Variants in TNRC18 observed in about 807,000 individuals in gnomAD.
TNRC18 encodes the protein trinucleotide repeat-containing gene 18 protein.
A neutral mutation model predicts 226.7 loss-of-function variants in TNRC18; 69 were observed. The observed-to-expected ratio is 0.30, with a 90% CI of 0.25 to 0.37. TNRC18 has a LOEUF of 0.37. Ranked by LOEUF, TNRC18 falls within the 10% of genes least tolerant of loss-of-function variation. The pLI is 1.00. For synonymous variants in TNRC18, 2,449 were observed against 1,927.6 expected (o/e 1.27, Z -7.09); for missense variants, 4,754 against 4,256.6 (o/e 1.12, Z -3.25).
intron 2 of TNRC18, among the ~76,000 whole-genome samples, chr7:5,415,503 G>A (rs529157882): frequency 5.4e-5 from 8 of 148,770 alleles, no homozygotes; most frequent in South Asian, 2.2e-4. Context: ...CAGCCTCCCC[G>A]AGTAGCTGGG....
intron 5 of TNRC18, among the ~76,000 whole-genome samples, chr7:5,380,197 G>A (rs959294854): frequency 1.3e-5 from 2 of 152,186 alleles, no homozygotes; most frequent in African/African-American, 2.4e-5. Context: ...TGTAATCCCA[G>A]CACTCTGGGA....
At position 5,324,230 on chromosome 7, in the gene TNRC18, C is replaced by A. The variant is rs1214296560; in HGVS notation, c.6426G>T (p.Glu2142Asp). 6.2e-7 allele frequency: 1 copy of A among 1,608,384 alleles called. No homozygotes were observed. The highest frequency in any genetic ancestry group is 8.5e-7 in the Non-Finnish European group (1 of 1,178,438). ...GCCACTCACCCGGGGTCAGCGGCCG[C>A]TCCACAGCCCCGCCACGCGGCAGGT... ...DEHLPRGGAVERPLTPAPRSC... is the reference protein window; with the variant it reads ...DEHLPRGGAVDRPLTPAPRSC... The change falls in exon 21 of 30, where the codon GAG becomes GAT. Residue 2142 changes from glutamate to aspartate, a missense_variant. Physicochemically the swap from Glu to Asp is conservative, Grantham distance 45. Transcript: ENST00000430969. The surrounding 1 kb of genome is among the most constrained non-coding windows in gnomAD (Gnocchi z 4.8).
intron 18 of TNRC18, among the ~76,000 whole-genome samples, chr7:5,340,060 T>A (rs1168958057): frequency 6.6e-6 from 1 of 152,134 alleles, no homozygotes; most frequent in Non-Finnish European, 1.5e-5. Context: ...GAGTCACATG[T>A]CTCTCACTTT....
Position 5,370,385 on chromosome 7 carries a change from T to C in TNRC18, c.4209A>G (p.Gln1403=). The stretch of plus-strand genomic sequence containing the variant: ...GTCGCGCACTCTCACCTCCCATCTC[T>C]TGGCTCCTCCTCTCCAGCTCCAGCT... The part of the protein sequence containing the change: ...IAELELERRS[Q]EMGGAERALV... Residue 1403 remains glutamine (Q), a synonymous_variant, in exon 11 of 30, where the codon CAA becomes CAG. Transcript: ENST00000430969. The C allele has an allele frequency of 6.5e-7, 1 of 1,545,996 alleles. No homozygotes were observed. The highest frequency in any genetic ancestry group is 8.7e-7 in the Non-Finnish European group (1 of 1,144,450).
At position 5,377,353 on chromosome 7, in the gene TNRC18, C is replaced by G; in HGVS notation, c.2461+18G>C. On this transcript the variant is annotated intron_variant, in intron 7 of 29. Transcript: ENST00000430969. This position sits in a 1 kb window ranked among gnomAD's most constrained non-coding sequence, Gnocchi z 5.8. The stretch of plus-strand genomic sequence containing the variant: ...CCCTCCCTCAGAGAAGGGGAGAGAC[C>G]CTGTGCCCCACACTCACCGTAGGGG... 5.3e-6 allele frequency: 8 copies of G among 1,521,798 alleles called. No homozygotes were observed. Among genetic ancestry groups the G allele is most frequent in the Non-Finnish European group, 7.1e-6 (8 of 1,128,648 alleles). The allele number at this position is 1,521,798 out of a possible 1,614,324, so 94.3% of individuals were successfully genotyped here. A position where few individuals can be genotyped will look rare whatever the true frequency, so the allele number is the denominator to read the frequency against.
At chr7:5,314,057 C>A (rs556667898) in intron 26 of TNRC18, among the ~76,000 whole-genome samples, 194 bp from the exon 27 acceptor site, 2 of 151,960 alleles carry the variant, frequency 1.3e-5, no homozygotes, top group Non-Finnish European at 2.9e-5. Flanking sequence ...TGCCTGGGCT[C>A]ATGTGAGCCT....
At chr7:5,313,891 G>C (rs771689865) in intron 26 of TNRC18, 28 bp from the exon 27 acceptor site, 4 of 1,429,372 alleles carry the variant, frequency 2.8e-6, no homozygotes, top group Middle Eastern at 2.1e-4. Context: ...TGAGAAGCTG[G>C]GGCGGGGGCT....
chr7:5,361,911 G>A lies in TNRC18; in HGVS notation c.4518C>T (p.Arg1506=). ...EKQRELVKLQ[R]RRDSEDRREE... is the part of the protein sequence containing the mutation. Reference sequence around the variant, plus strand: ...GACACACTCACTCGGAGTCCCGGCGGCGCTGCAGCTTCACCAGCTCACGCT... The same window carrying A: ...GACACACTCACTCGGAGTCCCGGCGACGCTGCAGCTTCACCAGCTCACGCT... The change falls in exon 13 of 30, where the codon CGC becomes CGT. Residue 1506 remains arginine, a synonymous_variant. Coordinates refer to ENST00000430969, the MANE Select transcript of TNRC18 (RefSeq NM_001080495.3). The A allele has an allele frequency of 6.3e-7, 1 of 1,577,600 alleles. No homozygotes were observed. The highest frequency in any genetic ancestry group is 1.2e-5 in the South Asian group (1 of 86,796).
chr7:5,387,708 C>T lies in TNRC18; in HGVS notation c.2116G>A (p.Asp706Asn). 1 of 1,605,738 alleles carries T rather than the reference C, an allele frequency of 6.2e-7. No individual in the cohort carries two copies. The highest frequency in any genetic ancestry group is 8.5e-7 in the Non-Finnish European group (1 of 1,179,854). ...CTCAGCGACAGAGAGCGCTCCTGGT[C>T]TACCAGCCCAGGCCCCAGCCGGCCA... ...GSGRLGPGLV[D>N]QERSLSLSNV... Residue 706 changes from aspartate (D) to asparagine (N), a missense_variant, in exon 5 of 30, where the codon GAC becomes AAC. Physicochemically the swap from Asp to Asn is conservative, Grantham distance 23 (BLOSUM62 1). Coordinates refer to ENST00000430969, the MANE Select transcript of TNRC18 (RefSeq NM_001080495.3).
chr7:5,344,547 G>A lies in TNRC18; in HGVS notation c.5719+1015C>T, dbSNP rs540615997. 6.2e-4 allele frequency among the ~76,000 whole-genome samples: 94 copies of A among 152,238 alleles called. 1 individual carries two copies. Among genetic ancestry groups the A allele is most frequent in the African/African-American group, 2.2e-3 (90 of 41,550 alleles). ...CCAAGACACTGGAGGTCAGGGGTGG[G>A]GCTTTGCTCCACGAACCTGCAGAGG... is the stretch of plus-strand genomic sequence containing the variant. On this transcript the variant is annotated intron_variant, in intron 18 of 29. Transcript: ENST00000430969.
At position 5,314,967 on chromosome 7, in the gene TNRC18, G is replaced by A; in HGVS notation, c.7027+17C>T. On this transcript the variant is annotated intron_variant, in intron 26 of 29. Transcript: ENST00000430969. ...AGATCCGCCCACCGCCCTGCCCTGG[G>A]GACCAGGCCAACCTACCACCCTTGG... 1 of 1,600,200 alleles carries A rather than the reference G, an allele frequency of 6.2e-7. No individual in the cohort carries two copies. The highest frequency in any genetic ancestry group is 8.5e-7 in the Non-Finnish European group (1 of 1,174,780).
rs1357115485 is a variant in TNRC18 at position 5,313,276 on chromosome 7, C to T, written c.7615G>A (p.Gly2539Arg). 1 of 1,548,652 alleles carries T rather than the reference C, an allele frequency of 6.5e-7. No individual in the cohort carries two copies. Among genetic ancestry groups the T allele is most frequent in the African/African-American group, 1.4e-5 (1 of 73,096 alleles). ...PGPGLTFEDS[G>R]NPKSPDKAQA... ...GCCTTGTCTGGGCTCTTGGGGTTCC[C>T]AGAGTCCTCGAACGTGAGCCCCGGC... is the stretch of plus-strand genomic sequence containing the variant. Residue 2539 changes from glycine to arginine, a missense_variant, in exon 27 of 30, where the codon GGG becomes AGG. Coordinates refer to ENST00000430969, the MANE Select transcript of TNRC18 (RefSeq NM_001080495.3).
In TNRC18 at chr7:5,370,653, A is replaced by T; in HGVS notation, c.3941T>A (p.Val1314Glu). ...QCPSLEPQEA[V>E]PVLGSTCFLE... ...GAAGCAGGTGCTGCCGAGTACAGGC[A>T]CGGCCTCTTGGGGCTCCAGGCTCGG... The change falls in exon 11 of 30, where the codon GTG becomes GAG. Residue 1314 changes from valine (V) to glutamate (E), a missense_variant. Val to Glu is a moderately radical substitution (Grantham distance 121). Coordinates refer to ENST00000430969, the MANE Select transcript of TNRC18 (RefSeq NM_001080495.3). 1 of 1,612,926 alleles carries T rather than the reference A, an allele frequency of 6.2e-7. No homozygotes were observed. Among genetic ancestry groups the T allele is most frequent in the Non-Finnish European group, 8.5e-7 (1 of 1,179,762 alleles).
intron 2 of TNRC18, among the ~76,000 whole-genome samples, chr7:5,405,292 G>C (rs1781390396): frequency 6.6e-6 from 1 of 152,114 alleles, no homozygotes; most frequent in Non-Finnish European, 1.5e-5. Context: ...GCCAAGGCTA[G>C]GCACTGCGGC....
At chr7:5,402,947 G>C (rs990143320) in intron 2 of TNRC18, among the ~76,000 whole-genome samples, 3 of 151,916 alleles carry the variant, frequency 2.0e-5, no homozygotes, top group African/African-American at 7.3e-5. Flanking sequence ...GCATTCTCTG[G>C]GACCTGCTTC....
chr7:5,402,393 T>G (rs957905331), intron 2 of TNRC18, among the ~76,000 whole-genome samples: 1 of 148,954 alleles, frequency 6.7e-6, no homozygotes. Context: ...CAATTAGCCA[T>G]GCATGGCGGT....
intron 5 of TNRC18, among the ~76,000 whole-genome samples, chr7:5,383,908 T>C (rs1779571210): frequency 6.6e-6 from 1 of 151,220 alleles, no homozygotes; most frequent in African/African-American, 2.4e-5. Context: ...TCCTCCCACT[T>C]TAGCCTCCTA....
At chr7:5,412,244 G>GAAAAA (rs55864404) in intron 2 of TNRC18, among the ~76,000 whole-genome samples, 2 of 71,864 alleles carry the variant, frequency 2.8e-5, no homozygotes, top group Non-Finnish European at 8.1e-5. Flanking sequence ...AATTCCAAAT[G>GAAAAA]AAAAAAAAAA....
intron 24 of TNRC18, among the ~76,000 whole-genome samples, chr7:5,319,792 G>T (rs1583755223): frequency 1.3e-5 from 2 of 152,166 alleles, no homozygotes; most frequent in South Asian, 4.1e-4. Context: ...TTACAGGCAT[G>T]AGCCACCACA....
Sources: allele counts gnomAD v4.1 joint callset (sites outside exome capture counted in the v4.1 genomes callset), GRCh38; gene constraint gnomAD v4.1.1; non-coding constraint Gnocchi (gnomAD v3.1); transcripts MANE v1.5; gene names NCBI Gene and HGNC (gene_info 2026-07-23, HGNC 2026-07-21).